The following DCLK1 variants were observed in gnomAD, a reference collection of about 807,000 sequenced individuals.
The protein encoded by DCLK1 is doublecortin like kinase 1, also known as serine/threonine-protein kinase DCLK1.
DCLK1 carries 16 observed loss-of-function variants against 86.2 expected under a neutral mutation model. The ratio of observed to expected loss-of-function variants is 0.19; its 90% confidence interval spans 0.13 to 0.28. DCLK1 has a LOEUF of 0.28. Among genes scored for constraint, DCLK1 ranks in the 10% least tolerant of loss-of-function variants. DCLK1 has a pLI of 1.00. For missense variants in DCLK1, 590 were observed against 940.2 expected, an observed-to-expected ratio of 0.63 and a Z score of 4.87; for synonymous variants, 369 against 370.5, an observed-to-expected ratio of 1.00 and a Z score of 0.05.
chr13:35,862,535 T>C, intron 5 of DCLK1, among the ~76,000 whole-genome samples: 1 of 152,218 alleles, frequency 6.6e-6, no homozygotes, highest in East Asian at 1.9e-4. Context: ...AAAACTCAAC[T>C]GCGATCTTTC....
At chr13:36,068,172 G>T (rs987190156) in intron 3 of DCLK1, among the ~76,000 whole-genome samples, 1 of 152,150 alleles carries the variant, frequency 6.6e-6, no homozygotes, top group African/African-American at 2.4e-5. Flanking sequence ...AGCCAAATTT[G>T]CTAAGCCTGT....
chr13:35,814,515 G>A (rs2087225695), intron 11 of DCLK1, among the ~76,000 whole-genome samples: 1 of 152,188 alleles, frequency 6.6e-6, no homozygotes, highest in Non-Finnish European at 1.5e-5. Flanking sequence ...GCGCAGGCTT[G>A]GACAGGCTGG....
At chr13:35,890,382 T>C (rs1361998357) in intron 4 of DCLK1, among the ~76,000 whole-genome samples, 6 of 152,202 alleles carry the variant, frequency 3.9e-5, no homozygotes, top group African/African-American at 1.2e-4. Context: ...TAACAATCTA[T>C]ATTTGACAAT....
At chr13:36,060,758 A>T (rs534596879) in intron 3 of DCLK1, among the ~76,000 whole-genome samples, 3 of 152,308 alleles carry the variant, frequency 2.0e-5, no homozygotes, top group African/African-American at 7.2e-5. Flanking sequence ...TAGTAACATA[A>T]ACTGCTAAAG....
intron 3 of DCLK1, among the ~76,000 whole-genome samples, chr13:36,045,781 A>G (rs1882891169): frequency 6.6e-6 from 1 of 151,818 alleles, no homozygotes; most frequent in South Asian, 2.1e-4. Context: ...TGAACCTGGG[A>G]GGCAGAGGTT....
At chr13:35,885,056 T>G (rs1873145480) in intron 4 of DCLK1, among the ~76,000 whole-genome samples, 1 of 152,054 alleles carries the variant, frequency 6.6e-6, no homozygotes, top group Non-Finnish European at 1.5e-5. Flanking sequence ...GGCTCCTATA[T>G]AAAGGAAGCT....
chr13:36,020,814 C>A (rs905909203), intron 3 of DCLK1, among the ~76,000 whole-genome samples: 1 of 151,968 alleles, frequency 6.6e-6, no homozygotes, highest in Non-Finnish European at 1.5e-5. Context: ...AAACCCCAAA[C>A]AGAGAAAATC....
At chr13:36,044,178 C>T (rs1882793211) in intron 3 of DCLK1, among the ~76,000 whole-genome samples, 1 of 152,214 alleles carries the variant, frequency 6.6e-6, no homozygotes, top group African/African-American at 2.4e-5. Context: ...GGCTCCCCTT[C>T]ACCTTCTGCC....
chr13:35,954,885 G>T (rs935343836), intron 3 of DCLK1, among the ~76,000 whole-genome samples: 1 of 152,018 alleles, frequency 6.6e-6, no homozygotes, highest in African/African-American at 2.4e-5. Context: ...TAGGCTAGGA[G>T]ATAACACTCA....
At chr13:35,810,037 C>T (rs2087110488) in intron 12 of DCLK1, among the ~76,000 whole-genome samples, 1 of 152,150 alleles carries the variant, frequency 6.6e-6, no homozygotes, top group African/African-American at 2.4e-5. Context: ...ATTCCTTCTG[C>T]TTAAGGATGG....
chr13:36,064,991 T>C (rs1883696599), intron 3 of DCLK1, among the ~76,000 whole-genome samples: 1 of 152,178 alleles, frequency 6.6e-6, no homozygotes, highest in Non-Finnish European at 1.5e-5. Flanking sequence ...CAAGCACTCT[T>C]CTGTAAAAAA....
At chr13:36,002,168 G>A (rs900686289) in intron 3 of DCLK1, among the ~76,000 whole-genome samples, 2 of 152,140 alleles carry the variant, frequency 1.3e-5, no homozygotes, top group African/African-American at 4.8e-5. Flanking sequence ...ATAAGCACAG[G>A]CTTTTTGGTC....
rs1043093234 is a variant in DCLK1 at position 35,866,618 on chromosome 13, T to A, written c.940+4606A>T. Reference sequence around the variant, plus strand: ...CATCATTCCAGGCTAATTTTTGTATTTTTTTTTTTTTTTTTAGAGACCAGG... The same window carrying A: ...CATCATTCCAGGCTAATTTTTGTATATTTTTTTTTTTTTTTAGAGACCAGG... On this transcript the variant is annotated intron_variant, in intron 5 of 16. Transcript: ENST00000360631. Among the ~76,000 whole-genome samples the A allele has an allele frequency of 5.8e-4, 82 of 140,728 alleles. 1 individual carries two copies. Among genetic ancestry groups the A allele is most frequent in the African/African-American group, 2.2e-3 (78 of 36,160 alleles). 92.3% of individuals were successfully genotyped at this position (140,728 alleles called of 152,430 possible).
intron 4 of DCLK1, among the ~76,000 whole-genome samples, chr13:35,882,701 C>T (rs1445057561): frequency 6.6e-6 from 1 of 151,924 alleles, no homozygotes; most frequent in Non-Finnish European, 1.5e-5. Flanking sequence ...AACAATTCCC[C>T]AATACTGCCA....
intron 4 of DCLK1, among the ~76,000 whole-genome samples, chr13:35,877,383 G>C (rs1159845139): frequency 6.6e-6 from 1 of 152,152 alleles, no homozygotes; most frequent in African/African-American, 2.4e-5. Flanking sequence ...GAATAGAAAC[G>C]GTTGCAGAAT....
intron 3 of DCLK1, among the ~76,000 whole-genome samples, chr13:36,056,906 A>ATATAT (rs1555359541): frequency 0.082 from 10,560 of 129,476 alleles, 614 homozygotes; most frequent in Non-Finnish European, 0.12. Context: ...AAAAAAAAAA[A>ATATAT]ATATATATAT....
chr13:35,864,248 A>G (rs1871611121), intron 5 of DCLK1, among the ~76,000 whole-genome samples: 1 of 152,174 alleles, frequency 6.6e-6, no homozygotes, highest in Non-Finnish European at 1.5e-5. Context: ...GATTCTAAAT[A>G]CAGGGTATCA....
intron 4 of DCLK1, among the ~76,000 whole-genome samples, chr13:35,911,548 A>AG (rs1415169303): frequency 6.6e-6 from 1 of 152,126 alleles, no homozygotes; most frequent in Non-Finnish European, 1.5e-5. Context: ...TCTAGACCCT[A>AG]GGATGTCTCT....
rs528233680 is a variant in DCLK1 at position 36,102,739 on chromosome 13, A to C, written c.723+9130T>G. Among the ~76,000 whole-genome samples the C allele has an allele frequency of 3.3e-4, 50 of 152,330 alleles. No individual in the cohort carries two copies. In the South Asian group the frequency reaches 0.01, roughly 31 times the overall value. On this transcript the variant is annotated intron_variant, in intron 3 of 16. Transcript: ENST00000360631. ...AGAGGATTCTAGACAAAGCAGATGGAGTCTGAGATAATTTTAACCTCCAAT... is the reference window on the plus strand; with the variant it reads ...AGAGGATTCTAGACAAAGCAGATGGCGTCTGAGATAATTTTAACCTCCAAT...
Sources: gnomAD v4.1 joint callset for allele counts (sites outside exome capture counted in the v4.1 genomes callset) on GRCh38, gnomAD v4.1.1 for gene constraint, MANE v1.5 for transcripts, NCBI Gene and HGNC (gene_info 2026-07-23, HGNC 2026-07-21) for gene names.